CLVS1: variants seen among roughly 807,000 people sequenced by gnomAD.
The protein encoded by CLVS1 is clavesin-1.
In CLVS1, 10 loss-of-function variants were observed where a neutral mutation model predicts 33.1. The observed-to-expected ratio is 0.30, with a 90% confidence interval of 0.19 to 0.51. The LOEUF (loss-of-function observed/expected upper bound fraction) is 0.51, where lower values mean the gene tolerates loss of function less well. Among genes scored for constraint, CLVS1 ranks in the 20% least tolerant of loss-of-function variants. The pLI is 0.97. For synonymous variants in CLVS1, 163 were observed against 166.1 expected (o/e 0.98, Z 0.14); for missense variants, 343 against 433.4 (o/e 0.79, Z 1.85).
intron 3 of CLVS1, among the ~76,000 whole-genome samples, chr8:61,382,231 A>G (rs569081973): frequency 6.6e-6 from 1 of 152,336 alleles, no homozygotes; most frequent in South Asian, 2.1e-4. Flanking sequence ...TGACAGTCAG[A>G]TTGGGCAGAT....
chr8:60,986,173 A>C, the CLVS1 span, among the ~76,000 whole-genome samples: 2 of 152,240 alleles, frequency 1.3e-5, no homozygotes, highest in African/African-American at 4.8e-5. Flanking sequence ...GACAGCTGTC[A>C]CAGGGGCAGG....
intron 2 of CLVS1, among the ~76,000 whole-genome samples, chr8:61,148,368 C>T (rs984895351): frequency 8.5e-5 from 13 of 152,152 alleles, no homozygotes; most frequent in African/African-American, 3.1e-4. Context: ...AGTTAAAATC[C>T]TAAATGACAA....
At chr8:61,048,555 T>G in the CLVS1 span, among the ~76,000 whole-genome samples, 3 of 152,222 alleles carry the variant, frequency 2.0e-5, no homozygotes, top group Middle Eastern at 3.4e-3. Flanking sequence ...CCCCCAAATT[T>G]CCCTCAGCTG....
At chr8:61,334,432 T>G (rs1022384532) in intron 2 of CLVS1, among the ~76,000 whole-genome samples, 1 of 152,220 alleles carries the variant, frequency 6.6e-6, no homozygotes, top group East Asian at 1.9e-4. Context: ...CTCTGTGTCT[T>G]CTCTAAGTCC....
At chr8:61,086,820 T>C (rs977439950) in intron 1 of CLVS1, among the ~76,000 whole-genome samples, 6 of 152,218 alleles carry the variant, frequency 3.9e-5, no homozygotes, top group African/African-American at 1.2e-4. Context: ...ACTATAATCC[T>C]AACAGTAAAG....
chr8:61,146,927 T>G (rs537542339), intron 2 of CLVS1, among the ~76,000 whole-genome samples: 2 of 152,230 alleles, frequency 1.3e-5, no homozygotes, highest in African/African-American at 4.8e-5. Context: ...TCATACAGTC[T>G]TTAGTTAAAG....
At chr8:61,143,310 G>A (rs921184144) in intron 2 of CLVS1, among the ~76,000 whole-genome samples, 5 of 152,116 alleles carry the variant, frequency 3.3e-5, no homozygotes, top group African/African-American at 9.7e-5. Flanking sequence ...CCCAGGATTC[G>A]CACTGTGGTC....
intron 2 of CLVS1, among the ~76,000 whole-genome samples, chr8:61,331,015 G>C (rs1217765652): frequency 6.6e-6 from 1 of 152,042 alleles, no homozygotes; most frequent in Non-Finnish European, 1.5e-5. Context: ...CCAGGAGTTA[G>C]AGGCTGCAGT....
intron 1 of CLVS1, among the ~76,000 whole-genome samples, chr8:61,093,312 C>T (rs1053213343): frequency 6.6e-6 from 1 of 152,126 alleles, no homozygotes; most frequent in Non-Finnish European, 1.5e-5. Flanking sequence ...AGCCATTCTC[C>T]TTAAGCACTT....
intron 1 of CLVS1, among the ~76,000 whole-genome samples, chr8:61,299,423 G>T (rs565219399): frequency 6.6e-6 from 1 of 152,092 alleles, no homozygotes; most frequent in African/African-American, 2.4e-5. Flanking sequence ...GCACTATTAC[G>T]TTAACTAGTC....
At chr8:61,312,494 C>A (rs1172321741) in intron 2 of CLVS1, among the ~76,000 whole-genome samples, 3 of 152,146 alleles carry the variant, frequency 2.0e-5, no homozygotes, top group Non-Finnish European at 2.9e-5. Context: ...TTTTTCTTTG[C>A]ACATTCTTTC....
intron 1 of CLVS1, among the ~76,000 whole-genome samples, chr8:61,090,192 G>A (rs1985815): frequency 6.6e-6 from 1 of 151,966 alleles, no homozygotes. Context: ...TGTCCTAGCA[G>A]GTAACTTGAG....
chr8:61,167,976 A>G lies in CLVS1; in HGVS notation c.-152+36116A>G, dbSNP rs553527635. 2.6e-4 allele frequency among the ~76,000 whole-genome samples: 40 copies of G among 152,354 alleles called. No homozygotes were observed. In the Middle Eastern group the frequency reaches 0.014, roughly 52 times the overall value. On this transcript the variant is annotated intron_variant, in intron 2 of 2. Transcript: ENST00000522621. ...TAAAAACAGGCAACCAGCGGCCCCCAGGGCTGCTCTGTCTATGAAGCAGCC... is the reference window on the plus strand; with the variant it reads ...TAAAAACAGGCAACCAGCGGCCCCCGGGGCTGCTCTGTCTATGAAGCAGCC...
chr8:61,051,121 C>T, the CLVS1 span, among the ~76,000 whole-genome samples: 2 of 152,208 alleles, frequency 1.3e-5, no homozygotes, highest in East Asian at 1.9e-4. Context: ...ATTCCTAGAA[C>T]ATTAGAGAGC....
At chr8:61,312,333 C>A (rs1395975557) in intron 2 of CLVS1, among the ~76,000 whole-genome samples, 1 of 152,220 alleles carries the variant, frequency 6.6e-6, no homozygotes, top group Admixed American at 6.5e-5. Flanking sequence ...CCATGCTTCG[C>A]TCCAGTTGTA....
chr8:61,261,328 G>T (rs112872769), intron 2 of CLVS1, among the ~76,000 whole-genome samples: 2 of 152,298 alleles, frequency 1.3e-5, no homozygotes, highest in African/African-American at 2.4e-5. Context: ...TCTCAAATGG[G>T]TTTACTATCC....
intron 2 of CLVS1, among the ~76,000 whole-genome samples, chr8:61,338,829 C>T (rs531949678): frequency 1.6e-4 from 25 of 152,238 alleles, no homozygotes; most frequent in African/African-American, 5.5e-4. Context: ...GAGGCTCTTC[C>T]TCTCAGCCTC....
At chr8:61,432,553 C>G (rs1017034327) in intron 3 of CLVS1, among the ~76,000 whole-genome samples, 14 of 152,164 alleles carry the variant, frequency 9.2e-5, no homozygotes, top group African/African-American at 3.1e-4. Context: ...AGGAGAGAGG[C>G]CTCGGAAGAA....
chr8:61,430,403 G>A (rs570513684), intron 3 of CLVS1, among the ~76,000 whole-genome samples: 1 of 152,308 alleles, frequency 6.6e-6, no homozygotes, highest in Non-Finnish European at 1.5e-5. Context: ...GGAGCAGAAA[G>A]AGGTATATGA....
Sources: gnomAD v4.1 joint callset for allele counts (sites outside exome capture counted in the v4.1 genomes callset) on GRCh38, gnomAD v4.1.1 for gene constraint, MANE v1.5 for transcripts, NCBI Gene and HGNC (gene_info 2026-07-23, HGNC 2026-07-21) for gene names.